Variants in KDM4A observed in about 807,000 individuals in gnomAD.
KDM4A encodes lysine demethylase 4A, also known as lysine-specific demethylase 4A.
Under a neutral mutation model 127.1 loss-of-function variants are expected in KDM4A, and 23 were observed. The observed-to-expected ratio is 0.18, with a 90% CI of 0.13 to 0.26. The LOEUF (loss-of-function observed/expected upper bound fraction) is 0.26, where lower values mean the gene tolerates loss of function less well. Ranked by LOEUF, KDM4A falls within the 10% of genes least tolerant of loss-of-function variation. KDM4A has a pLI of 1.00. For synonymous variants in KDM4A, 443 were observed against 466.5 expected, an observed-to-expected ratio of 0.95 and a Z score of 0.65; for missense variants, 890 against 1,329.1, an observed-to-expected ratio of 0.67 and a Z score of 5.14.
intron 10 of KDM4A, among the ~76,000 whole-genome samples, chr1:43,669,867 G>A (rs1450697986): frequency 6.6e-6 from 1 of 152,076 alleles, no homozygotes; most frequent in Non-Finnish European, 1.5e-5. Context: ...TGGCCAGGCT[G>A]ATCTTGAACT....
chr1:43,667,738 G>A (rs1660531112), intron 8 of KDM4A, 34 bp from the exon 9 acceptor site: 2 of 1,613,330 alleles, frequency 1.2e-6, no homozygotes, highest in East Asian at 4.5e-5. Flanking sequence ...AGCAAGGTAT[G>A]CTCACCTGGT....
chr1:43,666,120 C>G (rs1392034089), intron 6 of KDM4A, among the ~76,000 whole-genome samples: 2 of 152,180 alleles, frequency 1.3e-5, no homozygotes, highest in African/African-American at 2.4e-5. Context: ...GTAGATGATA[C>G]TACAGCTGCA....
At chr1:43,696,979 A>G (rs1469400839) in intron 18 of KDM4A, among the ~76,000 whole-genome samples, 2 of 152,268 alleles carry the variant, frequency 1.3e-5, no homozygotes, top group African/African-American at 4.8e-5. Context: ...AAGTAAATAC[A>G]CAGTATAGCA....
intron 9 of KDM4A, 97 bp downstream of exon 9, chr1:43,668,116 T>TGTTTTG: frequency 6.6e-7 from 1 of 1,512,152 alleles, no homozygotes. Flanking sequence ...TTTTTTGTTT[T>TGTTTTG]GTTTTGTTTT....
chr1:43,670,267 A>T (rs1660588098), intron 10 of KDM4A, among the ~76,000 whole-genome samples: 1 of 152,204 alleles, frequency 6.6e-6, no homozygotes, highest in South Asian at 2.1e-4. Flanking sequence ...GTCTGCCGAC[A>T]GCCAGGCAGC....
At chr1:43,685,612 C>G (rs189439531) in intron 12 of KDM4A, among the ~76,000 whole-genome samples, 10 of 152,068 alleles carry the variant, frequency 6.6e-5, no homozygotes, top group Non-Finnish European at 1.0e-4. Context: ...ACTAAAAATA[C>G]AAAAAATTAG....
chr1:43,652,041 A>G (rs534209248), intron 1 of KDM4A, among the ~76,000 whole-genome samples: 53 of 152,374 alleles, frequency 3.5e-4, no homozygotes, highest in African/African-American at 1.3e-3. Flanking sequence ...TCATGTTACT[A>G]ATATCAAAGT....
intron 4 of KDM4A, 26 bp from the exon 5 acceptor site, chr1:43,662,868 G>T (rs755221347): frequency 3.2e-6 from 5 of 1,581,664 alleles, no homozygotes; most frequent in African/African-American, 2.7e-5. Context: ...AATGTAACTT[G>T]CCCTGGACTG....
intron 12 of KDM4A, among the ~76,000 whole-genome samples, chr1:43,685,381 C>G (rs1011646112): frequency 4.6e-5 from 7 of 151,946 alleles, no homozygotes; most frequent in Non-Finnish European, 7.4e-5. Flanking sequence ...GTACATGTTA[C>G]TCTTGACTAA....
chr1:43,669,186 A>C lies in KDM4A; in HGVS notation c.1250A>C (p.Lys417Thr). The change falls in exon 10 of 22, where the codon AAG becomes ACG. Residue 417 changes from lysine (K) to threonine (T), a missense_variant. By Grantham distance (78) the Lys-to-Thr change is moderately conservative (BLOSUM62 -1). Around this residue, in one of 7 missense-constraint regions of KDM4A, gnomAD observed 389 missense variants for 485.9 expected, o/e 0.80. Transcript: ENST00000372396. Reference protein sequence around the residue: ...QEVSQSELFPKEDLSSEQYEM... With the variant: ...QEVSQSELFPTEDLSSEQYEM... The stretch of plus-strand genomic sequence containing the variant: ...GTGAGTCAGAGTGAGCTCTTCCCCA[A>C]GGAGGATCTGAGTTCTGAGCAGTAT... 1 of 1,614,192 alleles carries C rather than the reference A, an allele frequency of 6.2e-7. No homozygotes were observed. The highest frequency in any genetic ancestry group is 8.5e-7 in the Non-Finnish European group (1 of 1,180,034).
chr1:43,682,747 A>C lies in KDM4A; in HGVS notation c.1735-937A>C, dbSNP rs114132121. 4.1e-3 allele frequency among the ~76,000 whole-genome samples: 630 copies of C among 152,282 alleles called. 3 individuals carry two copies. The highest frequency in any genetic ancestry group is 0.014 in the African/African-American group (600 of 41,538). On this transcript the variant is annotated intron_variant, in intron 11 of 21. Transcript: ENST00000372396. The stretch of plus-strand genomic sequence containing the variant: ...TCTTGGCATTCCAACTGTGGTCCTT[A>C]ACTCCTGGGGCTCTGTGTAGTTGCA...
rs770859517 is a variant in KDM4A, at chr1:43,694,819, T to C, written c.2595T>C (p.Gly865=). The change falls in exon 18 of 22, where the codon GGT becomes GGC. Residue 865 remains glycine (G), a synonymous_variant. Transcript: ENST00000372396. This position sits in a 1 kb window ranked among gnomAD's most constrained non-coding sequence, Gnocchi z 5.2. The stretch of plus-strand genomic sequence containing the variant: ...ATGTGAGCTGCGCCCAGGCTGCCGG[T>C]GTGATGATGCAGCCTGACGACTGGC... ...AFHVSCAQAA[G]VMMQPDDWPF... is the part of the protein sequence containing the mutation. 3 of 1,613,964 alleles carry C rather than the reference T, an allele frequency of 1.9e-6. No homozygotes were observed. Among genetic ancestry groups the C allele is most frequent in the Admixed American group, 3.3e-5 (2 of 59,990 alleles).
rs564143132 is a variant in KDM4A at position 43,695,829 on chromosome 1, TGAGGA to T, written c.2670+939_2670+943del. Among the ~76,000 whole-genome samples the T allele has an allele frequency of 9.2e-5, 14 of 152,002 alleles. No homozygotes were observed. In the East Asian group the frequency reaches 2.7e-3, roughly 29 times the overall value. On this transcript the variant is annotated intron_variant, in intron 18 of 21. Transcript: ENST00000372396. ...ATAGGGTTTATTGACCCTCGTGGGTTGAGGAGAGAAGGGGAGAGGAGGAGGAAAGG... is the reference window on the plus strand; with the variant it reads ...ATAGGGTTTATTGACCCTCGTGGGTTGAGAAGGGGAGAGGAGGAGGAAAGG...
At position 43,688,182 on chromosome 1, in the gene KDM4A, GT is replaced by G. The variant is rs1661031162; in HGVS notation, c.1856-731del. Among the ~76,000 whole-genome samples the G allele has an allele frequency of 6.6e-6, 1 of 152,116 alleles. No homozygotes were observed. Among genetic ancestry groups the G allele is most frequent in the African/African-American group, 2.4e-5 (1 of 41,418 alleles). On this transcript the variant is annotated intron_variant, in intron 12 of 21. Transcript: ENST00000372396. The surrounding 1 kb of genome is among the most constrained non-coding windows in gnomAD (Gnocchi z 4.4). ...ATGATCGCACATGTAAATAGCCACTGTACTCCAGCCTGGGCAACATAGCAAG... is the reference window on the plus strand; with the variant it reads ...ATGATCGCACATGTAAATAGCCACTGACTCCAGCCTGGGCAACATAGCAAG...
intron 18 of KDM4A, among the ~76,000 whole-genome samples, chr1:43,695,878 T>G (rs542218046): frequency 9.2e-5 from 14 of 152,168 alleles, no homozygotes; most frequent in South Asian, 6.2e-4. Context: ...ATATTGAAGA[T>G]GACTCAGGTT....
intron 3 of KDM4A, among the ~76,000 whole-genome samples, 163 bp from the exon 4 acceptor site, chr1:43,660,135 C>T (rs950503488): frequency 5.9e-5 from 9 of 152,238 alleles, no homozygotes; most frequent in African/African-American, 1.9e-4. Context: ...ATGGAAGGGA[C>T]GTTGAGGGAC....
chr1:43,661,562 T>C (rs950276635), intron 4 of KDM4A, among the ~76,000 whole-genome samples: 1 of 138,342 alleles, frequency 7.2e-6, no homozygotes, highest in Non-Finnish European at 1.5e-5. Flanking sequence ...TGAGCCGAGA[T>C]TGCACCACTG....
At chr1:43,699,497 T>G (rs1052091578) in intron 19 of KDM4A, among the ~76,000 whole-genome samples, 12 of 152,160 alleles carry the variant, frequency 7.9e-5, no homozygotes, top group African/African-American at 2.9e-4. Context: ...GTGAGAAGGA[T>G]GTGGTATTAT....
chr1:43,685,445 C>T (rs1283506529), intron 12 of KDM4A, among the ~76,000 whole-genome samples: 1 of 151,588 alleles, frequency 6.6e-6, no homozygotes, highest in African/African-American at 2.4e-5. Flanking sequence ...GTCAGTGCCC[C>T]ATCTCTGCTG....
Sources: allele counts gnomAD v4.1 joint callset (sites outside exome capture counted in the v4.1 genomes callset), GRCh38; gene constraint gnomAD v4.1.1; regional missense constraint gnomAD v4.1.1; non-coding constraint Gnocchi (gnomAD v3.1); transcripts MANE v1.5; gene names NCBI Gene and HGNC (gene_info 2026-07-23, HGNC 2026-07-21).